Variants in FBN2 observed in about 807,000 individuals in gnomAD.
FBN2 encodes fibrillin-2.
Under a neutral mutation model 355.6 loss-of-function variants are expected in FBN2, and 105 were observed. The observed-to-expected ratio is 0.30, with a 90% CI of 0.25 to 0.35. The LOEUF is 0.35. Ranked by LOEUF, FBN2 falls within the 10% of genes least tolerant of loss-of-function variation. The probability of loss-of-function intolerance (pLI) is 1.00; values close to 1 mark genes in which losing one functional copy is unlikely to be tolerated. For missense variants in FBN2, 3,280 were observed against 3,758.7 expected (o/e 0.87, Z 3.33); for synonymous variants, 1,350 against 1,301.2 (o/e 1.04, Z -0.81).
chr5:128,530,517 G>C, intron 3 of FBN2, 78 bp downstream of exon 3: 1 of 929,690 alleles, frequency 1.1e-6, no homozygotes, highest in South Asian at 1.3e-5. Flanking sequence ...AAAACTCCCT[G>C]GCACATAGAA....
At chr5:128,531,883 T>C (rs928622590) in intron 2 of FBN2, among the ~76,000 whole-genome samples, 11 of 152,144 alleles carry the variant, frequency 7.2e-5, no homozygotes, top group East Asian at 1.9e-4. Context: ...GAAAAAAAAA[T>C]TGCATAATCC....
intron 7 of FBN2, among the ~76,000 whole-genome samples, chr5:128,426,298 G>A (rs1420785638): frequency 2.6e-5 from 4 of 152,062 alleles, no homozygotes; most frequent in Non-Finnish European, 4.4e-5. Context: ...CCGAGACTTC[G>A]AAAACCTTCA....
chr5:128,475,724 A>C (rs1754991751), intron 5 of FBN2, among the ~76,000 whole-genome samples: 1 of 152,216 alleles, frequency 6.6e-6, no homozygotes, highest in Non-Finnish European at 1.5e-5. Flanking sequence ...AAATAAAAGA[A>C]AAAGAGAAAA....
intron 6 of FBN2, among the ~76,000 whole-genome samples, chr5:128,450,253 G>A (rs1371727826): frequency 6.6e-6 from 1 of 152,030 alleles, no homozygotes; most frequent in African/African-American, 2.4e-5. Flanking sequence ...AGTGCCCACA[G>A]AATATTTACC....
chr5:128,432,753 C>G (rs886999532), intron 7 of FBN2, among the ~76,000 whole-genome samples: 3 of 151,652 alleles, frequency 2.0e-5, no homozygotes, highest in Non-Finnish European at 4.4e-5. Flanking sequence ...TTATTTTGAC[C>G]TGCATTTAGG....
chr5:128,363,284 G>A (rs1187130942), intron 18 of FBN2, among the ~76,000 whole-genome samples: 2 of 151,954 alleles, frequency 1.3e-5, no homozygotes, highest in Non-Finnish European at 2.9e-5. Flanking sequence ...TCCGCATCCC[G>A]GGTTCCAGCG....
chr5:128,467,580 A>G (rs1449227691), intron 5 of FBN2, among the ~76,000 whole-genome samples: 3 of 152,276 alleles, frequency 2.0e-5, no homozygotes, highest in Middle Eastern at 3.4e-3. Context: ...ATTAATTGTG[A>G]TTGGCCATGC....
chr5:128,523,081 G>C (rs550071160), intron 4 of FBN2, among the ~76,000 whole-genome samples: 2 of 152,258 alleles, frequency 1.3e-5, no homozygotes, highest in Admixed American at 6.5e-5. Flanking sequence ...CTTTGTGCCA[G>C]GTAACAGGTC....
chr5:128,500,696 G>A (rs1755787241), intron 5 of FBN2, among the ~76,000 whole-genome samples: 1 of 151,856 alleles, frequency 6.6e-6, no homozygotes, highest in African/African-American at 2.4e-5. Flanking sequence ...CGCCTGCCTC[G>A]GCCTCCTAAA....
In FBN2 at chr5:128,519,474, A is replaced by G. The variant is rs1581366666; in HGVS notation, c.533-106T>C. ...AGGATCTTATGTTAAATTATAGTAC[A>G]TTATGTTAATTAAACTGCAACTTGT... On this transcript the variant is annotated intron_variant, in intron 4 of 64. Coordinates refer to ENST00000262464, the MANE Select transcript of FBN2 (RefSeq NM_001999.4). 5 of 791,926 alleles carry G rather than the reference A, an allele frequency of 6.3e-6. No homozygotes were observed. In the East Asian group the frequency reaches 1.3e-4, roughly 21 times the overall value. 49.1% of individuals were successfully genotyped at this position (791,926 alleles called of 1,614,324 possible).
intron 7 of FBN2, among the ~76,000 whole-genome samples, chr5:128,417,888 T>C (rs1385492556): frequency 6.6e-6 from 1 of 152,158 alleles, no homozygotes; most frequent in Non-Finnish European, 1.5e-5. Context: ...TGGGAATAGT[T>C]TGAGGAGAAT....
intron 53 of FBN2, among the ~76,000 whole-genome samples, chr5:128,287,786 T>C (rs1035815272): frequency 1.4e-4 from 22 of 152,142 alleles, no homozygotes; most frequent in African/African-American, 5.1e-4. Context: ...GAAGAAACTT[T>C]CTGAGATTCC....
At chr5:128,514,467 G>C (rs1411762929) in intron 5 of FBN2, among the ~76,000 whole-genome samples, 1 of 152,016 alleles carries the variant, frequency 6.6e-6, no homozygotes, top group Non-Finnish European at 1.5e-5. Flanking sequence ...TCAATAATTT[G>C]CTTCTCATTA....
intron 5 of FBN2, among the ~76,000 whole-genome samples, chr5:128,511,855 T>C (rs1756138727): frequency 2.0e-5 from 3 of 152,188 alleles, no homozygotes; most frequent in South Asian, 4.1e-4. Flanking sequence ...AATCTATAGA[T>C]TACAAGTACT....
chr5:128,277,797 C>T, intron 58 of FBN2, 83 bp downstream of exon 58: 1 of 1,404,832 alleles, frequency 7.1e-7, no homozygotes, highest in Non-Finnish European at 1.0e-6. Context: ...ATAATAAAGA[C>T]ACTCTACTGA....
intron 11 of FBN2, among the ~76,000 whole-genome samples, chr5:128,384,429 C>G (rs187515066): frequency 6.6e-6 from 1 of 152,028 alleles, no homozygotes; most frequent in Non-Finnish European, 1.5e-5. Context: ...AAGCTATATA[C>G]TTCAAATATA....
At chr5:128,470,398 T>G (rs1352875741) in intron 5 of FBN2, among the ~76,000 whole-genome samples, 1 of 152,172 alleles carries the variant, frequency 6.6e-6, no homozygotes, top group East Asian at 1.9e-4. Flanking sequence ...AGACAACCTT[T>G]GGAGAAGTTT....
intron 5 of FBN2, among the ~76,000 whole-genome samples, chr5:128,498,802 A>T (rs1755726857): frequency 6.6e-6 from 1 of 152,222 alleles, no homozygotes; most frequent in African/African-American, 2.4e-5. Context: ...TGATCTCTAC[A>T]ATCTTACTAT....
In FBN2 at chr5:128,305,548, G is replaced by C. The variant is rs367620361; in HGVS notation, c.5637C>G (p.Ala1879=). ...CATTGGGTGAAAGTTTGAAACCCGCGGCACATTCACAGCGGTAACTACCAG... is the reference window on the plus strand; with the variant it reads ...CATTGGGTGAAAGTTTGAAACCCGCCGCACATTCACAGCGGTAACTACCAG... The part of the protein sequence containing the change: ...NSPGSYRCEC[A]AGFKLSPNGA... Residue 1879 remains alanine (A), a synonymous_variant, in exon 44 of 65, where the codon GCC becomes GCG. Transcript: ENST00000262464. 1.2e-6 allele frequency: 2 copies of C among 1,613,842 alleles called. No individual in the cohort carries two copies. The highest frequency in any genetic ancestry group is 2.7e-5 in the African/African-American group (2 of 74,870).
Sources: gnomAD v4.1 joint callset for allele counts (sites outside exome capture counted in the v4.1 genomes callset) on GRCh38, gnomAD v4.1.1 for gene constraint, MANE v1.5 for transcripts, NCBI Gene and HGNC (gene_info 2026-07-23, HGNC 2026-07-21) for gene names.